JPT1: variants seen among roughly 807,000 people sequenced by gnomAD.
JPT1 encodes the protein androgen-regulated protein 2.
Under a neutral mutation model 17.0 loss-of-function variants are expected in JPT1, and 5 were observed. The observed-to-expected ratio is 0.29, with a 90% CI of 0.15 to 0.62. The LOEUF is 0.62. Ranked by LOEUF, JPT1 falls within the 20% of genes least tolerant of loss-of-function variation. The pLI, the probability that JPT1 is intolerant of heterozygous loss-of-function variation, is 0.85. For synonymous variants in JPT1, 71 were observed against 73.6 expected (o/e 0.96, Z 0.18); for missense variants, 158 against 188.1 (o/e 0.84, Z 0.94).
intron 1 of JPT1, among the ~76,000 whole-genome samples, chr17:75,149,630 G>A (rs1481234885): frequency 6.6e-6 from 1 of 151,904 alleles, no homozygotes; most frequent in African/African-American, 2.4e-5. Context: ...GCCTCCCAAA[G>A]TGCTAGGATT....
At chr17:75,150,532 G>A (rs2074528466) in intron 1 of JPT1, among the ~76,000 whole-genome samples, 1 of 151,634 alleles carries the variant, frequency 6.6e-6, no homozygotes, top group Non-Finnish European at 1.5e-5. Flanking sequence ...GATTACAGGC[G>A]TGAGCCACTG....
intron 3 of JPT1, among the ~76,000 whole-genome samples, chr17:75,147,083 C>CT (rs1226352042): frequency 6.6e-6 from 1 of 152,080 alleles, no homozygotes; most frequent in Non-Finnish European, 1.5e-5. Flanking sequence ...CTCCAGTTCT[C>CT]TCCCCACTCA....
At chr17:75,143,201 C>T (rs1001109754) in intron 4 of JPT1, among the ~76,000 whole-genome samples, 4 of 152,152 alleles carry the variant, frequency 2.6e-5, no homozygotes, top group African/African-American at 4.8e-5. Flanking sequence ...TGAAATCAAA[C>T]CTTTTTTGTC....
rs933928656 is a variant in JPT1 at position 75,135,789 on chromosome 17, G to A, written c.*313C>T. On this transcript the variant is annotated 3_prime_UTR_variant, in exon 5 of 5. Transcript: ENST00000409753. ...GAGGCTTGGTAAACCCAAGTAAAGT[G>A]TTAAAAACCTCAGTACAAAAGATCC... 1.7e-5 allele frequency: 9 copies of A among 525,752 alleles called. No homozygotes were observed. The highest frequency in any genetic ancestry group is 1.6e-4 in the South Asian group (6 of 37,028). The allele number at this position is 525,752 out of a possible 1,614,324, so 32.6% of individuals were successfully genotyped here. A position where few individuals can be genotyped will look rare whatever the true frequency, so the allele number is the denominator to read the frequency against.
rs562103033 is a variant in JPT1 at position 75,140,065 on chromosome 17, G to A, written c.317-3815C>T. Among the ~76,000 whole-genome samples, 11 of 152,070 alleles carry A rather than the reference G, an allele frequency of 7.2e-5. No individual in the cohort carries two copies. The South Asian group carries it at 1.7e-3, about 23-fold the overall frequency. On this transcript the variant is annotated intron_variant, in intron 4 of 4. Coordinates refer to ENST00000409753, the MANE Select transcript of JPT1 (RefSeq NM_016185.4). ...CCCAAGTAGCTGGGATTACAGGCGCGTGCCACCACGCCTGGCTAATTTTTG... is the reference window on the plus strand; with the variant it reads ...CCCAAGTAGCTGGGATTACAGGCGCATGCCACCACGCCTGGCTAATTTTTG...
chr17:75,154,292 CT>C, intron 1 of JPT1, 49 bp downstream of exon 1: 1 of 1,447,860 alleles, frequency 6.9e-7, no homozygotes, highest in South Asian at 1.3e-5. Context: ...GGCAGCGGCC[CT>C]CCCAGCCCCT....
chr17:75,139,801 GAGTA>G (rs1422496281), intron 4 of JPT1, among the ~76,000 whole-genome samples: 11 of 152,060 alleles, frequency 7.2e-5, no homozygotes, highest in Admixed American at 5.9e-4. Flanking sequence ...CTGGGCGACA[GAGTA>G]AGACTCCGTC....
intron 1 of JPT1, among the ~76,000 whole-genome samples, chr17:75,151,028 A>C (rs1243977961): frequency 6.7e-6 from 1 of 148,694 alleles, no homozygotes; most frequent in East Asian, 2.0e-4. Flanking sequence ...TAACTCTTTT[A>C]TTTTTAGTAG....
chr17:75,143,552 T>G (rs932162307), intron 4 of JPT1, among the ~76,000 whole-genome samples: 1 of 149,722 alleles, frequency 6.7e-6, no homozygotes, highest in Non-Finnish European at 1.5e-5. Context: ...AGTGTGAAAC[T>G]TGGCCAGGCA....
chr17:75,144,842 TGTC>T lies in JPT1; in HGVS notation c.316+1821_316+1823del, dbSNP rs201639465. On this transcript the variant is annotated intron_variant, in intron 4 of 4. Coordinates refer to ENST00000409753, the MANE Select transcript of JPT1 (RefSeq NM_016185.4). ...GAAACCCCCCATATTTGGTCACAGG[TGTC>T]GTCTTCTGTGTTGATGATTGTTGTG... Among the ~76,000 whole-genome samples, 844 of 151,864 alleles carry T rather than the reference TGTC, an allele frequency of 5.6e-3. 7 individuals carry two copies. Among genetic ancestry groups the T allele is most frequent in the African/African-American group, 0.019 (794 of 41,416 alleles).
Position 75,136,517 on chromosome 17 carries a change from G to A in JPT1, c.317-267C>T, listed in dbSNP as rs537819306. ...TTTTTGTTTTGTTTTGTTTTTTGAC[G>A]GAGTCTCGCTGTTGCCCAGGCTGGA... On this transcript the variant is annotated intron_variant, in intron 4 of 4. Transcript: ENST00000409753. 1.9e-4 allele frequency among the ~76,000 whole-genome samples: 29 copies of A among 151,360 alleles called. No homozygotes were observed. The South Asian group carries it at 4.0e-3, about 21-fold the overall frequency.
At position 75,136,160 on chromosome 17, in the gene JPT1, G is replaced by A. The variant is rs144044643; in HGVS notation, c.407C>T (p.Ala136Val). The change falls in exon 5 of 5, where the codon GCC becomes GTC. Residue 136 changes from alanine (A) to valine (V), a missense_variant. Ala to Val is a moderately conservative substitution (Grantham distance 64). Coordinates refer to ENST00000409753, the MANE Select transcript of JPT1 (RefSeq NM_016185.4). ...AAPVPSPVAP[A>V]PVPSRRNPPG... The stretch of plus-strand genomic sequence containing the variant: ...GGGATTTCTTCTGGATGGCACTGGG[G>A]CCGGGGCCACCGGGCTGGGCACAGG... 7.1e-5 allele frequency: 114 copies of A among 1,614,192 alleles called. 1 individual carries two copies. Among genetic ancestry groups the A allele is most frequent in the Non-Finnish European group, 8.7e-5 (103 of 1,180,040 alleles).
intron 3 of JPT1, among the ~76,000 whole-genome samples, chr17:75,147,287 A>G (rs968750132): frequency 2.0e-5 from 3 of 152,212 alleles, no homozygotes; most frequent in Admixed American, 6.5e-5. Flanking sequence ...TATATATGAG[A>G]CACACAGGAA....
chr17:75,153,754 TC>T, intron 1 of JPT1: 1 of 151,828 alleles, frequency 6.6e-6, no homozygotes. Flanking sequence ...CCAGCCCCGC[TC>T]GACCACACAT....
chr17:75,152,024 A>G (rs1181595527), intron 1 of JPT1, among the ~76,000 whole-genome samples: 1 of 152,070 alleles, frequency 6.6e-6, no homozygotes, highest in East Asian at 1.9e-4. Flanking sequence ...CCAGCTTAAG[A>G]GCAAGTCAAA....
At chr17:75,146,753 T>G in intron 3 of JPT1, 69 bp from the exon 4 acceptor site, 1 of 939,094 alleles carries the variant, frequency 1.1e-6, no homozygotes, top group Admixed American at 2.1e-5. Flanking sequence ...CAGTCATAGT[T>G]CATAGCAGCT....
intron 4 of JPT1, among the ~76,000 whole-genome samples, chr17:75,138,196 A>G (rs1045294780): frequency 1.3e-5 from 2 of 151,878 alleles, no homozygotes; most frequent in East Asian, 3.9e-4. Flanking sequence ...TCCTGACCTC[A>G]GGTGATCCAA....
Position 75,136,201 on chromosome 17 carries a change from C to A in JPT1, c.366G>T (p.Lys122Asn), listed in dbSNP as rs757809897. 1.2e-6 allele frequency: 2 copies of A among 1,612,644 alleles called. No homozygotes were observed. The highest frequency in any genetic ancestry group is 1.7e-6 in the Non-Finnish European group (2 of 1,179,146). ...TGGGCACAGGCGCAGCAGGCACGGG[C>A]TTCTCTTCACTCTGCCCCAGGCTGC... ...LPGSLGQSEEKPVPAAPVPSP... is the reference protein window; with the variant it reads ...LPGSLGQSEENPVPAAPVPSP... Residue 122 changes from lysine to asparagine, a missense_variant, in exon 5 of 5, where the codon AAG becomes AAT. By Grantham distance (94) the Lys-to-Asn change is moderately conservative (BLOSUM62 0). Transcript: ENST00000409753.
At chr17:75,139,478 TAAA>T (rs370998305) in intron 4 of JPT1, among the ~76,000 whole-genome samples, 16 of 151,920 alleles carry the variant, frequency 1.1e-4, no homozygotes, top group African/African-American at 3.6e-4. Flanking sequence ...AAGAAAAAAA[TAAA>T]AAAGCACCTA....
Sources: allele counts gnomAD v4.1 joint callset (sites outside exome capture counted in the v4.1 genomes callset), GRCh38; gene constraint gnomAD v4.1.1; transcripts MANE v1.5; gene names NCBI Gene and HGNC (gene_info 2026-07-23, HGNC 2026-07-21).